Variants in PCDH7 observed in about 807,000 individuals in gnomAD.
PCDH7 encodes protocadherin-7.
Under a neutral mutation model 58.9 loss-of-function variants are expected in PCDH7, and 17 were observed. That is an observed-to-expected ratio of 0.29 (90% CI 0.20 to 0.43). PCDH7 has a LOEUF of 0.43. Among genes scored for constraint, PCDH7 ranks in the 20% least tolerant of loss-of-function variants. PCDH7 has a pLI of 1.00. For synonymous variants in PCDH7, 664 were observed against 616.4 expected (o/e 1.08, Z -1.14); for missense variants, 1,274 against 1,441.0 (o/e 0.88, Z 1.88).
intron 1 of PCDH7, among the ~76,000 whole-genome samples, chr4:30,843,284 C>T (rs1250690572): frequency 6.6e-6 from 1 of 152,068 alleles, no homozygotes; most frequent in Admixed American, 6.6e-5. Context: ...TCATTGTAAT[C>T]TCCACCTCCC....
intron 1 of PCDH7, among the ~76,000 whole-genome samples, chr4:30,838,077 G>A (rs954805175): frequency 6.6e-6 from 1 of 151,922 alleles, no homozygotes; most frequent in South Asian, 2.1e-4. Context: ...ATCGACTTCA[G>A]TTGTGTACAG....
chr4:30,959,483 T>G (rs775093680), intron 3 of PCDH7, among the ~76,000 whole-genome samples: 4 of 152,136 alleles, frequency 2.6e-5, no homozygotes, highest in Admixed American at 6.5e-5. Context: ...CACTGAGCAT[T>G]TTGGCAAAAG....
At chr4:30,946,831 T>C (rs1333118618) in intron 2 of PCDH7, among the ~76,000 whole-genome samples, 1 of 151,734 alleles carries the variant, frequency 6.6e-6, no homozygotes, top group Non-Finnish European at 1.5e-5. Context: ...TGCCTCAGCC[T>C]CCCAAGTAGC....
chr4:31,007,563 T>A (rs1752867712), intron 3 of PCDH7, among the ~76,000 whole-genome samples: 1 of 151,858 alleles, frequency 6.6e-6, no homozygotes, highest in South Asian at 2.1e-4. Flanking sequence ...TTTCACACAG[T>A]TTCTAGAAGA....
chr4:31,004,348 A>G (rs1752596782), intron 3 of PCDH7, among the ~76,000 whole-genome samples: 1 of 152,256 alleles, frequency 6.6e-6, no homozygotes, highest in South Asian at 2.1e-4. Context: ...ATGCACAGCA[A>G]AATATGCTTT....
chr4:30,938,422 A>G (rs1043588504), intron 2 of PCDH7, among the ~76,000 whole-genome samples: 1 of 151,916 alleles, frequency 6.6e-6, no homozygotes, highest in African/African-American at 2.4e-5. Flanking sequence ...TGGGATACTC[A>G]TTCTGAAATT....
intron 3 of PCDH7, among the ~76,000 whole-genome samples, chr4:31,110,945 C>G (rs1716221406): frequency 6.6e-6 from 1 of 150,890 alleles, no homozygotes; most frequent in African/African-American, 2.4e-5. Flanking sequence ...ACACCAAACA[C>G]TAACTTAGAT....
intron 1 of PCDH7, 26 bp downstream of exon 1, chr4:30,724,622 A>T: frequency 6.2e-7 from 1 of 1,608,168 alleles, no homozygotes; most frequent in Non-Finnish European, 8.5e-7. Flanking sequence ...AATATATTTA[A>T]ATATCCCAGG....
At chr4:30,781,005 A>G (rs1312302523) in intron 1 of PCDH7, among the ~76,000 whole-genome samples, 2 of 152,202 alleles carry the variant, frequency 1.3e-5, no homozygotes, top group African/African-American at 2.4e-5. Context: ...AAGTAAAACT[A>G]TAAGAAATAG....
At chr4:31,075,688 ACTAT>A in intron 3 of PCDH7, among the ~76,000 whole-genome samples, 1 of 152,288 alleles carries the variant, frequency 6.6e-6, no homozygotes, top group South Asian at 2.1e-4. Context: ...TCAGTGTCTG[ACTAT>A]CTGATATGGG....
chr4:30,861,840 T>C (rs1166866479), intron 1 of PCDH7, among the ~76,000 whole-genome samples: 1 of 152,166 alleles, frequency 6.6e-6, no homozygotes, highest in Non-Finnish European at 1.5e-5. Context: ...GTATATAAGC[T>C]ACTTAGAAGT....
At chr4:30,905,394 T>C (rs1740788589) in intron 1 of PCDH7, among the ~76,000 whole-genome samples, 1 of 151,746 alleles carries the variant, frequency 6.6e-6, no homozygotes, top group East Asian at 1.9e-4. Flanking sequence ...CATGGTTCTA[T>C]AGGGTAGTCA....
At chr4:31,142,730 A>G in exon 4 of PCDH7, 1 of 1,367,696 alleles carries the variant, frequency 7.3e-7, no homozygotes, top group South Asian at 1.1e-5. Context: ...TGAGACCTTC[A>G]GTGCAGCTAG....
exon 1 of PCDH7, chr4:30,724,233 C>T: frequency 6.2e-7 from 1 of 1,613,294 alleles, no homozygotes; most frequent in Non-Finnish European, 8.5e-7. Flanking sequence ...CTAAAAAGGA[C>T]AAGAAAAACA....
intron 3 of PCDH7, among the ~76,000 whole-genome samples, chr4:31,090,843 T>C (rs1392551645): frequency 6.6e-6 from 1 of 152,076 alleles, no homozygotes; most frequent in Non-Finnish European, 1.5e-5. Context: ...TTTAACTCCA[T>C]GTCTCCATTA....
intron 1 of PCDH7, among the ~76,000 whole-genome samples, chr4:30,914,404 A>T (rs959645368): frequency 6.6e-6 from 1 of 152,222 alleles, no homozygotes; most frequent in Admixed American, 6.5e-5. Context: ...GGAAACAAAA[A>T]TAGTTGATAA....
At chr4:31,094,888 G>A (rs868759204) in intron 3 of PCDH7, among the ~76,000 whole-genome samples, 24 of 152,026 alleles carry the variant, frequency 1.6e-4, no homozygotes, top group Middle Eastern at 6.8e-3. Context: ...TTGGAAGCTA[G>A]CATCAAATAC....
At chr4:31,032,897 A>G (rs1298756514) in intron 3 of PCDH7, among the ~76,000 whole-genome samples, 2 of 152,158 alleles carry the variant, frequency 1.3e-5, no homozygotes, top group East Asian at 1.9e-4. Flanking sequence ...GGAATAAGGA[A>G]TAGATTTTGT....
chr4:30,742,734 A>C (rs1676696602), intron 1 of PCDH7, among the ~76,000 whole-genome samples: 1 of 152,156 alleles, frequency 6.6e-6, no homozygotes, highest in Non-Finnish European at 1.5e-5. Context: ...GAGTGCTGCC[A>C]CTTGAGCTGT....
Sources: gnomAD v4.1 joint callset for allele counts (sites outside exome capture counted in the v4.1 genomes callset) on GRCh38, gnomAD v4.1.1 for gene constraint, MANE v1.5 for transcripts, NCBI Gene and HGNC (gene_info 2026-07-23, HGNC 2026-07-21) for gene names.